Variants in KCNK2 observed in about 807,000 individuals in gnomAD.
The protein encoded by KCNK2 is potassium channel subfamily K member 2.
KCNK2 carries 21 observed loss-of-function variants against 40.5 expected under a neutral mutation model. That is an observed-to-expected ratio of 0.52 (90% confidence interval 0.37 to 0.75). KCNK2 has a LOEUF of 0.75. Among genes scored for constraint, KCNK2 ranks in the 30% least tolerant of loss-of-function variants. The pLI, the probability that KCNK2 is intolerant of heterozygous loss-of-function variation, is 0.00. For synonymous variants in KCNK2, 191 were observed against 202.2 expected (o/e 0.94, Z 0.47); for missense variants, 399 against 531.6 (o/e 0.75, Z 2.45).
At chr1:215,102,972 G>A (rs1420951835) in intron 2 of KCNK2, among the ~76,000 whole-genome samples, 1 of 151,910 alleles carries the variant, frequency 6.6e-6, no homozygotes, top group Admixed American at 6.6e-5. Flanking sequence ...GTCATGCAGT[G>A]GCCTGTTAGA....
At chr1:215,219,671 TA>T (rs1177956841) in intron 6 of KCNK2, among the ~76,000 whole-genome samples, 5 of 152,192 alleles carry the variant, frequency 3.3e-5, no homozygotes, top group African/African-American at 1.2e-4. Context: ...ATTTAATGCA[TA>T]TTTTTTTTGG....
Position 215,083,337 on chromosome 1 carries a change from A to AT in KCNK2, c.-49_-48insT, listed in dbSNP as rs1659263506. The AT allele has an allele frequency of 5.6e-6, 9 of 1,614,014 alleles. No individual in the cohort carries two copies. The highest frequency in any genetic ancestry group is 6.8e-6 in the Non-Finnish European group (8 of 1,179,958). ...GTACAATGGCGTGTTTGTAAAAAAA[A>AT]GCTTCAAGTCCGTCTTTTTCAAAAA... On this transcript the variant is annotated 5_prime_UTR_variant, in exon 1 of 7. In the 5' UTR this introduces an upstream ATG that the reference lacks. Coordinates refer to ENST00000444842, the MANE Select transcript of KCNK2 (RefSeq NM_001017425.3).
intron 6 of KCNK2, among the ~76,000 whole-genome samples, chr1:215,210,852 C>T (rs1032576825): frequency 4.0e-5 from 1 of 25,220 alleles, no homozygotes; most frequent in Non-Finnish European, 1.7e-4. Flanking sequence ...ACTACCCCGA[C>T]TTATCTCTCT....
chr1:215,202,604 A>G (rs1665126602), intron 6 of KCNK2, among the ~76,000 whole-genome samples: 1 of 152,188 alleles, frequency 6.6e-6, no homozygotes, highest in African/African-American at 2.4e-5. Context: ...TTGTGCTTCT[A>G]ACTTCAGGAA....
chr1:215,057,008 C>A (rs4655389), intron 1 of KCNK2, among the ~76,000 whole-genome samples: 146,001 of 152,288 alleles, frequency 0.96, 70,269 homozygotes, highest in East Asian at 1. Flanking sequence ...ATGACTTAAC[C>A]TCTATCTAGC....
intron 1 of KCNK2, among the ~76,000 whole-genome samples, chr1:215,014,946 A>G (rs1656534197): frequency 6.6e-6 from 1 of 152,178 alleles, no homozygotes; most frequent in African/African-American, 2.4e-5. Flanking sequence ...AGCTAAAGGG[A>G]GAGAGCTCTA....
intron 1 of KCNK2, among the ~76,000 whole-genome samples, chr1:215,061,515 C>A (rs955233270): frequency 1.3e-5 from 2 of 152,022 alleles, no homozygotes; most frequent in Non-Finnish European, 2.9e-5. Flanking sequence ...GAAAAAAAAT[C>A]TCCAGACAAA....
chr1:215,204,136 C>T (rs1665209361), intron 6 of KCNK2, among the ~76,000 whole-genome samples: 2 of 149,200 alleles, frequency 1.3e-5, no homozygotes, highest in South Asian at 2.1e-4. Context: ...TGAATTAGAC[C>T]CACACATTTT....
At chr1:215,014,618 C>A (rs1044954243) in intron 1 of KCNK2, among the ~76,000 whole-genome samples, 8 of 151,830 alleles carry the variant, frequency 5.3e-5, no homozygotes, top group Non-Finnish European at 1.0e-4. Flanking sequence ...GAACTAGGCT[C>A]AAAAAATTGA....
At chr1:215,113,555 A>T (rs1437753070) in intron 2 of KCNK2, among the ~76,000 whole-genome samples, 1 of 152,150 alleles carries the variant, frequency 6.6e-6, no homozygotes, top group East Asian at 1.9e-4. Flanking sequence ...TCAAATAGTT[A>T]GCTTAAAGAG....
chr1:215,217,774 CTG>C (rs1481600633), intron 6 of KCNK2, among the ~76,000 whole-genome samples: 1 of 152,072 alleles, frequency 6.6e-6, no homozygotes, highest in African/African-American at 2.4e-5. Flanking sequence ...ATTGTTAAGT[CTG>C]TTTTAATTAT....
At chr1:215,195,784 C>A (rs556784588) in intron 6 of KCNK2, among the ~76,000 whole-genome samples, 1 of 152,206 alleles carries the variant, frequency 6.6e-6, no homozygotes, top group East Asian at 1.9e-4. Flanking sequence ...TATCCAGGAT[C>A]ACTATTAGTT....
chr1:215,140,149 T>C (rs977068964), intron 3 of KCNK2, among the ~76,000 whole-genome samples: 3 of 152,182 alleles, frequency 2.0e-5, no homozygotes, highest in African/African-American at 7.2e-5. Flanking sequence ...TCAGGTATTA[T>C]AATATGAACT....
At chr1:215,010,990 A>G (rs1656363715) in intron 1 of KCNK2, among the ~76,000 whole-genome samples, 1 of 119,928 alleles carries the variant, frequency 8.3e-6, no homozygotes, top group Non-Finnish European at 1.6e-5. Context: ...AATAAAATAT[A>G]CTTATATATA....
At chr1:215,008,113 G>T (rs1397924698) in intron 1 of KCNK2, among the ~76,000 whole-genome samples, 1 of 148,778 alleles carries the variant, frequency 6.7e-6, no homozygotes, top group Non-Finnish European at 1.5e-5. Flanking sequence ...GAAGTCCTAA[G>T]TCTTTTTTTT....
intron 2 of KCNK2, among the ~76,000 whole-genome samples, chr1:215,120,381 T>C (rs1571634977): frequency 6.6e-6 from 1 of 152,230 alleles, no homozygotes; most frequent in Admixed American, 6.5e-5. Context: ...TGTATGTTTC[T>C]TCTTTTCTAT....
At chr1:215,077,656 A>T (rs910845932) in intron 1 of KCNK2, among the ~76,000 whole-genome samples, 8 of 152,024 alleles carry the variant, frequency 5.3e-5, no homozygotes, top group African/African-American at 1.9e-4. Flanking sequence ...CTTCAGCTTG[A>T]TTACTGTCCA....
At chr1:215,013,963 G>C (rs761119728) in intron 1 of KCNK2, among the ~76,000 whole-genome samples, 7 of 152,140 alleles carry the variant, frequency 4.6e-5, no homozygotes, top group Admixed American at 2.0e-4. Context: ...AATAGGAGTT[G>C]TGGGAGCAAA....
chr1:215,147,342 G>C (rs1033976301), intron 3 of KCNK2, among the ~76,000 whole-genome samples: 1 of 152,162 alleles, frequency 6.6e-6, no homozygotes, highest in Non-Finnish European at 1.5e-5. Context: ...ATATGATTTT[G>C]CTATGGATCC....
Sources: gnomAD v4.1 joint callset for allele counts (sites outside exome capture counted in the v4.1 genomes callset) on GRCh38, gnomAD v4.1.1 for gene constraint, MANE v1.5 for transcripts, NCBI Gene and HGNC (gene_info 2026-07-23, HGNC 2026-07-21) for gene names.